Variants in EIF4G3 observed in about 807,000 individuals in gnomAD.
EIF4G3 encodes eIF-4-gamma 3.
A neutral mutation model predicts 186.4 loss-of-function variants in EIF4G3; 34 were observed. That is an observed-to-expected ratio of 0.18 (90% confidence interval 0.14 to 0.24). EIF4G3 has a LOEUF of 0.24. Ranked by LOEUF, EIF4G3 falls within the 10% of genes least tolerant of loss-of-function variation. EIF4G3 has a pLI of 1.00. For missense variants in EIF4G3, 1,536 were observed against 1,948.5 expected, an observed-to-expected ratio of 0.79 and a Z score of 3.99; for synonymous variants, 673 against 679.5, an observed-to-expected ratio of 0.99 and a Z score of 0.15.
chr1:20,895,221 T>C, intron 17 of EIF4G3, 147 bp downstream of exon 17: 1 of 977,406 alleles, frequency 1.0e-6, no homozygotes, highest in Non-Finnish European at 1.4e-6. Flanking sequence ...CAACAGTGTT[T>C]AGGGAAACAA....
intron 3 of EIF4G3, among the ~76,000 whole-genome samples, chr1:21,067,314 G>C (rs12078240): frequency 6.6e-6 from 1 of 151,826 alleles, no homozygotes; most frequent in African/African-American, 2.4e-5. Context: ...TGTATTTTTA[G>C]TAGAGACGGG....
intron 2 of EIF4G3, 144 bp downstream of exon 2, chr1:21,176,031 G>A (rs569028602): frequency 2.6e-5 from 7 of 264,334 alleles, no homozygotes; most frequent in Admixed American, 1.6e-4. Context: ...CAAAAGCTCC[G>A]CCCAAGCCCG....
rs376068662 is a variant in EIF4G3, at chr1:20,849,512, G to C, written c.3791C>G (p.Ala1264Gly). The C allele has an allele frequency of 2.0e-6, 3 of 1,535,890 alleles. No individual in the cohort carries two copies. The African/African-American group carries it at 4.2e-5, about 22-fold the overall frequency. Residue 1264 changes from alanine to glycine, a missense_variant, in exon 29 of 37, where the codon GCA becomes GGA. Physicochemically the swap from Ala to Gly is moderately conservative, Grantham distance 60. Around this residue, in one of 11 missense-constraint regions of EIF4G3, gnomAD observed 395 missense variants for 498.9 expected, o/e 0.79. Coordinates refer to ENST00000602326, the MANE Select transcript of EIF4G3 (RefSeq NM_001391906.1). Reference protein sequence around the residue: ...TRESAKPEISAMSAHDKAALS... With the variant: ...TRESAKPEISGMSAHDKAALS... The stretch of plus-strand genomic sequence containing the variant: ...TGCAGCCTTGTCATGAGCTGACATT[G>C]CTGAAATTTCTGGTTTTGCTATTAG...
intron 4 of EIF4G3, among the ~76,000 whole-genome samples, chr1:21,044,082 T>C (rs1248915095): frequency 6.6e-6 from 1 of 152,234 alleles, no homozygotes; most frequent in Non-Finnish European, 1.5e-5. Flanking sequence ...CATGATTCTT[T>C]GGAAGCTGCA....
At chr1:20,996,177 C>T (rs1226518627) in intron 7 of EIF4G3, among the ~76,000 whole-genome samples, 2 of 152,132 alleles carry the variant, frequency 1.3e-5, no homozygotes, top group African/African-American at 4.8e-5. Context: ...ATTTTATTTT[C>T]ATTATCTAAT....
chr1:21,053,818 G>A (rs762457535), intron 3 of EIF4G3, among the ~76,000 whole-genome samples: 2 of 145,808 alleles, frequency 1.4e-5, no homozygotes, highest in Non-Finnish European at 3.0e-5. Context: ...CCCTCTGCCC[G>A]GCCAGCCGCC....
Position 20,942,069 on chromosome 1 carries a change from G to A in EIF4G3, c.1085C>T (p.Pro362Leu). The A allele has an allele frequency of 6.2e-7, 1 of 1,614,136 alleles. No homozygotes were observed. The highest frequency in any genetic ancestry group is 2.2e-5 in the East Asian group (1 of 44,880). ...GGGTATAGGAATTGTGTCTTCTCTT[G>A]GGGATGAGAGTTCACATCTGTCATC... ...AIDDRCELSSPREDTIPIPSL... is the reference protein window; with the variant it reads ...AIDDRCELSSLREDTIPIPSL... Residue 362 changes from proline (P) to leucine (L), a missense_variant, in exon 14 of 37, where the codon CCA becomes CTA. Coordinates refer to ENST00000602326, the MANE Select transcript of EIF4G3 (RefSeq NM_001391906.1).
At chr1:20,880,034 AC>A (rs2081898518) in intron 19 of EIF4G3, among the ~76,000 whole-genome samples, 1 of 151,954 alleles carries the variant, frequency 6.6e-6, no homozygotes, top group Non-Finnish European at 1.5e-5. Flanking sequence ...AAAAAAAAAA[AC>A]AGGAATAGAA....
intron 14 of EIF4G3, among the ~76,000 whole-genome samples, chr1:20,905,801 T>C (rs1405557384): frequency 6.6e-6 from 1 of 152,084 alleles, no homozygotes; most frequent in Non-Finnish European, 1.5e-5. Context: ...TATAGAAGGA[T>C]GAACAAGGAG....
chr1:20,951,945 G>A (rs1220442092), intron 12 of EIF4G3, among the ~76,000 whole-genome samples: 1 of 152,078 alleles, frequency 6.6e-6, no homozygotes, highest in Non-Finnish European at 1.5e-5. Context: ...TCGTAAGAAA[G>A]GAGTGAGATA....
chr1:20,969,695 C>G lies in EIF4G3; in HGVS notation c.592-99G>C. 3 of 1,132,774 alleles carry G rather than the reference C, an allele frequency of 2.6e-6. 1 individual carries two copies. Among genetic ancestry groups the G allele is most frequent in the Non-Finnish European group, 1.3e-6 (1 of 796,812 alleles). The allele number at this position is 1,132,774 out of a possible 1,614,324, so 70.2% of individuals were successfully genotyped here. ...TAAAGGTGCAAACTGGGAAACCTGTCAAATATCAAAGGTGATAATCACCAC... is the reference window on the plus strand; with the variant it reads ...TAAAGGTGCAAACTGGGAAACCTGTGAAATATCAAAGGTGATAATCACCAC... On this transcript the variant is annotated intron_variant, in intron 11 of 36. Transcript: ENST00000602326.
intron 30 of EIF4G3, among the ~76,000 whole-genome samples, chr1:20,833,459 T>C (rs912880622): frequency 2.0e-5 from 3 of 152,188 alleles, no homozygotes; most frequent in African/African-American, 4.8e-5. Context: ...ATTGATTTTG[T>C]ATCCTGAGAC....
chr1:21,001,711 G>T lies in EIF4G3; in HGVS notation c.31-399C>A, dbSNP rs528193509. 2.6e-5 allele frequency among the ~76,000 whole-genome samples: 4 copies of T among 152,318 alleles called. No homozygotes were observed. The East Asian group carries it at 5.8e-4, about 22-fold the overall frequency. On this transcript the variant is annotated intron_variant, in intron 5 of 36. Coordinates refer to ENST00000602326, the MANE Select transcript of EIF4G3 (RefSeq NM_001391906.1). Reference sequence around the variant, plus strand: ...GGGGAGAACCAGGATCTAAGAACAGGTATTGGAGAACAGGGCAACAGGGAA... The same window carrying T: ...GGGGAGAACCAGGATCTAAGAACAGTTATTGGAGAACAGGGCAACAGGGAA...
chr1:20,922,988 A>G (rs1050943785), intron 14 of EIF4G3, among the ~76,000 whole-genome samples: 4 of 152,160 alleles, frequency 2.6e-5, no homozygotes, highest in Non-Finnish European at 5.9e-5. Context: ...CAGTATTCCC[A>G]TTTCAGAGAT....
intron 35 of EIF4G3, among the ~76,000 whole-genome samples, chr1:20,811,638 T>C (rs1251319917): frequency 6.6e-6 from 1 of 152,178 alleles, no homozygotes. Flanking sequence ...GTGACTGTGG[T>C]TTTATGACAA....
intron 19 of EIF4G3, among the ~76,000 whole-genome samples, chr1:20,885,869 G>T (rs2083958267): frequency 6.6e-6 from 1 of 152,008 alleles, no homozygotes; most frequent in South Asian, 2.1e-4. Context: ...GTAATAATTA[G>T]GATAAATAGG....
intron 20 of EIF4G3, among the ~76,000 whole-genome samples, chr1:20,874,038 G>A (rs537837164): frequency 1.3e-3 from 194 of 152,222 alleles, no homozygotes; most frequent in East Asian, 3.7e-3. Context: ...TTTTATGGCT[G>A]CATAGTATTC....
chr1:21,130,242 T>TG (rs1553272800), intron 2 of EIF4G3, among the ~76,000 whole-genome samples: 81 of 146,782 alleles, frequency 5.5e-4, no homozygotes, highest in African/African-American at 1.9e-3. Flanking sequence ...TTTTTTTTTT[T>TG]GAGACAAAGT....
At chr1:21,028,089 CACAG>C (rs2092359430) in intron 4 of EIF4G3, among the ~76,000 whole-genome samples, 1 of 152,132 alleles carries the variant, frequency 6.6e-6, no homozygotes. Flanking sequence ...TAGCCAAAGC[CACAG>C]ACAGACAGGA....
Sources: allele counts gnomAD v4.1 joint callset (sites outside exome capture counted in the v4.1 genomes callset), GRCh38; gene constraint gnomAD v4.1.1; regional missense constraint gnomAD v4.1.1; transcripts MANE v1.5; gene names NCBI Gene and HGNC (gene_info 2026-07-23, HGNC 2026-07-21).